CCZ1: variants seen among roughly 807,000 people sequenced by gnomAD.
The protein encoded by CCZ1 is vacuolar fusion protein CCZ1 homolog.
In CCZ1, 19 loss-of-function variants were observed where a neutral mutation model predicts 57.8. That is an observed-to-expected ratio of 0.33 (90% CI 0.23 to 0.48). The LOEUF (loss-of-function observed/expected upper bound fraction) is 0.48. CCZ1 is among the 20% of genes least tolerant of loss of function. The pLI is 0.99. For synonymous variants in CCZ1, 81 were observed against 167.0 expected (o/e 0.49, Z 3.97); for missense variants, 200 against 492.0 (o/e 0.41, Z 5.61).
At chr7:5,905,020 T>A in intron 6 of CCZ1, 74 bp from the exon 7 acceptor site, 2 of 1,139,822 alleles carry the variant, frequency 1.8e-6, no homozygotes, top group South Asian at 1.6e-5. Flanking sequence ...GACATAAGAT[T>A]ATTTTCAGTT....
chr7:5,902,217 G>A lies in CCZ1; in HGVS notation c.439-444G>A, dbSNP rs971057600. ...GGAGGCTGAGGTGGGAGGATCGCTC[G>A]CGCCTTGGAGGTCGAGGCTGCAGTG... On this transcript the variant is annotated intron_variant, in intron 5 of 14. Transcript: ENST00000325974. 4.9e-5 allele frequency: 9 copies of A among 183,904 alleles called. 1 individual carries two copies. The highest frequency in any genetic ancestry group is 2.3e-3 in the Middle Eastern group (1 of 432). 11.4% of individuals were successfully genotyped at this position (183,904 alleles called of 1,614,324 possible). A position where few individuals can be genotyped will look rare whatever the true frequency, so the allele number is the denominator to read the frequency against.
chr7:5,914,385 A>G (rs1295759681), intron 10 of CCZ1, among the ~76,000 whole-genome samples: 1 of 148,842 alleles, frequency 6.7e-6, no homozygotes, highest in Admixed American at 6.6e-5. Flanking sequence ...GCAATGAGCT[A>G]TGATCACACC....
Position 5,926,389 on chromosome 7 carries a change from GGT to G in CCZ1, c.*704_*705del. ...CTCTCTACTTTTTCTTCTTCTTGCT[GGT>G]GATGGTCTTGCTGGATGGGGACACG... On this transcript the variant is annotated 3_prime_UTR_variant, in exon 15 of 15. Transcript: ENST00000325974. 2 of 1,480,382 alleles carry G rather than the reference GGT, an allele frequency of 1.4e-6. No individual in the cohort carries two copies. Among genetic ancestry groups the G allele is most frequent in the East Asian group, 4.6e-5 (2 of 43,424 alleles). The allele number at this position is 1,480,382 out of a possible 1,614,324, so 91.7% of individuals were successfully genotyped here.
intron 1 of CCZ1, among the ~76,000 whole-genome samples, chr7:5,899,291 T>C (rs948224644): frequency 7.5e-6 from 1 of 133,518 alleles, no homozygotes; most frequent in African/African-American, 2.8e-5. Context: ...GTCCCTGTAA[T>C]AGTTTTCGCC....
chr7:5,899,091 C>T (rs1158758433), intron 1 of CCZ1, among the ~76,000 whole-genome samples, 172 bp downstream of exon 1: 2 of 74,768 alleles, frequency 2.7e-5, no homozygotes, highest in Non-Finnish European at 5.6e-5. Context: ...GCTTCAGGTC[C>T]TAGGTCGATG....
rs747942951 is a variant in CCZ1, at chr7:5,902,661, C to G, written c.439C>G (p.Leu147Val). The change falls in exon 6 of 15, where the codon CTT becomes GTT. Residue 147 changes from leucine to valine, a missense_variant and splice_region_variant. This residue lies in a region of CCZ1 where 128 missense variants were observed against 178.4 expected (regional missense o/e 0.72). Transcript: ENST00000325974. ...TTCCTGCAATCTTTTACCTCACTAG[C>G]TTTTTAATGGTACATTTCTGAAAGC... ...VLRQCYSMYK[L>V]FNGTFLKAME... 1.9e-6 allele frequency: 3 copies of G among 1,584,580 alleles called. No homozygotes were observed. In the African/African-American group the frequency reaches 4.1e-5, roughly 22 times the overall value.
chr7:5,915,626 G>A lies in CCZ1; in HGVS notation c.954+2672G>A, dbSNP rs1254901100. ...AGTGATTTCTAGTTGCAAAGTTCATGAGTCTCCAAGACCATCCTCACTTCT... is the reference window on the plus strand; with the variant it reads ...AGTGATTTCTAGTTGCAAAGTTCATAAGTCTCCAAGACCATCCTCACTTCT... On this transcript the variant is annotated intron_variant, in intron 10 of 14. Transcript: ENST00000325974. Among the ~76,000 whole-genome samples, 4 of 151,002 alleles carry A rather than the reference G, an allele frequency of 2.6e-5. No individual in the cohort carries two copies. In the East Asian group the frequency reaches 7.8e-4, roughly 30 times the overall value.
intron 7 of CCZ1, among the ~76,000 whole-genome samples, chr7:5,906,510 A>G (rs1781827857): frequency 6.8e-6 from 1 of 147,832 alleles, no homozygotes; most frequent in South Asian, 2.2e-4. Context: ...TTCAGTACAG[A>G]CAAGGTTTTA....
chr7:5,900,687 G>A (rs1437407704), intron 3 of CCZ1, 121 bp downstream of exon 3: 37 of 1,265,402 alleles, frequency 2.9e-5, no homozygotes, highest in Non-Finnish European at 2.1e-6. Context: ...AAATAAAATT[G>A]GTTGCAATTT....
intron 8 of CCZ1, 87 bp downstream of exon 8, chr7:5,910,203 T>C: frequency 9.5e-7 from 1 of 1,056,956 alleles, no homozygotes; most frequent in Non-Finnish European, 1.4e-6. Flanking sequence ...TGGGGGCGTT[T>C]CTGATCGTTT....
Position 5,905,130 on chromosome 7 carries a change from C to G in CCZ1, c.559C>G (p.Leu187Val). The G allele has an allele frequency of 1.3e-6, 2 of 1,596,432 alleles. 1 individual carries two copies. ...QTLHLQSCDL[L>V]DIFGGISFFP... is the part of the protein sequence containing the mutation. Reference sequence around the variant, plus strand: ...GCTACATTTGCAGTCATGTGACCTACTTGACATTTTTGGTGGAATCAGCTT... The same window carrying G: ...GCTACATTTGCAGTCATGTGACCTAGTTGACATTTTTGGTGGAATCAGCTT... The change falls in exon 7 of 15, where the codon CTT becomes GTT. Residue 187 changes from leucine to valine, a missense_variant. Around this residue, in one of 5 missense-constraint regions of CCZ1, gnomAD observed 128 missense variants for 178.4 expected, o/e 0.72. Transcript: ENST00000325974.
rs181450383 is a variant in CCZ1 at position 5,906,535 on chromosome 7, C to G, written c.698+1266C>G. Reference sequence around the variant, plus strand: ...ACAAGGTTTTACCATGTTGGCCAGGCTGGTCCTAAACCCCTGACCTCAGGT... The same window carrying G: ...ACAAGGTTTTACCATGTTGGCCAGGGTGGTCCTAAACCCCTGACCTCAGGT... On this transcript the variant is annotated intron_variant, in intron 7 of 14. Transcript: ENST00000325974. Among the ~76,000 whole-genome samples, 397 of 148,376 alleles carry G rather than the reference C, an allele frequency of 2.7e-3. 27 individuals carry two copies. The highest frequency in any genetic ancestry group is 9.5e-3 in the African/African-American group (382 of 40,070).
At chr7:5,914,623 C>T (rs1160624466) in intron 10 of CCZ1, among the ~76,000 whole-genome samples, 1 of 148,842 alleles carries the variant, frequency 6.7e-6, no homozygotes, top group African/African-American at 2.5e-5. Context: ...TGCCTATATC[C>T]CAACACTTTG....
At chr7:5,903,966 C>T (rs1466747525) in intron 6 of CCZ1, among the ~76,000 whole-genome samples, 1 of 137,368 alleles carries the variant, frequency 7.3e-6, no homozygotes, top group African/African-American at 2.8e-5. Context: ...TGCACTCCAG[C>T]CTGGGTGACA....
At position 5,911,850 on chromosome 7, in the gene CCZ1, T is replaced by C; in HGVS notation, c.781-11T>C. 1 of 1,547,246 alleles carries C rather than the reference T, an allele frequency of 6.5e-7. No homozygotes were observed. The highest frequency in any genetic ancestry group is 8.8e-7 in the Non-Finnish European group (1 of 1,139,506). Reference sequence around the variant, plus strand: ...CTGATAAGTCATTCTCAACATTAAATGTATTTGCAGTTAGCAGGAAGGGAT... The same window carrying C: ...CTGATAAGTCATTCTCAACATTAAACGTATTTGCAGTTAGCAGGAAGGGAT... On this transcript the variant is annotated splice_polypyrimidine_tract_variant and intron_variant, in intron 8 of 14. Transcript: ENST00000325974.
intron 7 of CCZ1, among the ~76,000 whole-genome samples, chr7:5,909,730 A>G (rs927168968): frequency 7.5e-5 from 11 of 145,798 alleles, no homozygotes; most frequent in Non-Finnish European, 1.5e-4. Context: ...TTTTTTTAAT[A>G]AAAAATGAGT....
In CCZ1 at chr7:5,905,105, G is replaced by A. The variant is rs773606556; in HGVS notation, c.534G>A (p.Thr178=). 2.3e-5 allele frequency: 36 copies of A among 1,598,706 alleles called. 2 individuals are homozygous for A. The highest frequency in any genetic ancestry group is 3.3e-4 in the Middle Eastern group (2 of 6,058). The change falls in exon 7 of 15, where the codon ACG becomes ACA. Residue 178 remains threonine, a synonymous_variant. Transcript: ENST00000325974. ...TTTTTTTCCCACAGTATTTGCAAAC[G>A]CTACATTTGCAGTCATGTGACCTAC... The part of the protein sequence containing the change: ...LEKFFHRYLQ[T]LHLQSCDLLD...
chr7:5,907,634 A>G (rs188029082), intron 7 of CCZ1, among the ~76,000 whole-genome samples: 5 of 146,068 alleles, frequency 3.4e-5, no homozygotes, highest in Non-Finnish European at 7.4e-5. Flanking sequence ...GCCTGGAGTC[A>G]CAGGACAATC....
chr7:5,915,542 T>C (rs951648274), intron 10 of CCZ1, among the ~76,000 whole-genome samples: 2 of 150,296 alleles, frequency 1.3e-5, no homozygotes. Context: ...TCTTAATGAC[T>C]TTGAGATACA....
Sources: gnomAD v4.1 joint callset for allele counts (sites outside exome capture counted in the v4.1 genomes callset) on GRCh38, gnomAD v4.1.1 for gene constraint, gnomAD v4.1.1 regional missense constraint, MANE v1.5 for transcripts, NCBI Gene and HGNC (gene_info 2026-07-23, HGNC 2026-07-21) for gene names.